RBM33: variants seen among roughly 807,000 people sequenced by gnomAD.
The protein encoded by RBM33 is RNA-binding protein 33.
Under a neutral mutation model 132.6 loss-of-function variants are expected in RBM33, and 28 were observed. That is an observed-to-expected ratio of 0.21 (90% CI 0.16 to 0.29). The LOEUF is 0.29. Among genes scored for constraint, RBM33 ranks in the 10% least tolerant of loss-of-function variants. RBM33 has a pLI of 1.00. For synonymous variants in RBM33, 634 were observed against 593.0 expected, an observed-to-expected ratio of 1.07 and a Z score of -1.01; for missense variants, 1,291 against 1,518.5, an observed-to-expected ratio of 0.85 and a Z score of 2.49.
At chr7:155,733,386 G>A (rs1801013402) in intron 9 of RBM33, among the ~76,000 whole-genome samples, 1 of 152,176 alleles carries the variant, frequency 6.6e-6, no homozygotes, top group African/African-American at 2.4e-5. Context: ...CTTTAACTTG[G>A]TTTTCTTGAA....
chr7:155,712,448 A>T (rs372875623), intron 8 of RBM33, among the ~76,000 whole-genome samples: 1 of 152,232 alleles, frequency 6.6e-6, no homozygotes, highest in East Asian at 1.9e-4. Flanking sequence ...ATTACTTTCT[A>T]TCAGACAGTC....
In RBM33 at chr7:155,748,981, A is replaced by G. The variant is rs530250279; in HGVS notation, c.2979+3379A>G. On this transcript the variant is annotated intron_variant, in intron 14 of 17. Coordinates refer to ENST00000401878, the MANE Select transcript of RBM33 (RefSeq NM_053043.3). ...TGCTCTGAAATTTCTTGCTGTATAG[A>G]GATTGGAGCCTTTCTCTAGGACTGA... 2.0e-5 allele frequency among the ~76,000 whole-genome samples: 3 copies of G among 151,930 alleles called. No individual in the cohort carries two copies. In the East Asian group the frequency reaches 5.8e-4, roughly 30 times the overall value.
chr7:155,748,796 C>T (rs1012174778), intron 14 of RBM33, among the ~76,000 whole-genome samples: 7 of 151,292 alleles, frequency 4.6e-5, no homozygotes, highest in African/African-American at 1.7e-4. Context: ...CTGCAGTATG[C>T]GTGTGCATAG....
At chr7:155,753,792 A>T (rs113343544) in intron 14 of RBM33, among the ~76,000 whole-genome samples, 3 of 152,338 alleles carry the variant, frequency 2.0e-5, no homozygotes, top group African/African-American at 7.2e-5. Context: ...CAGGCACCTC[A>T]TGCCTGCCAA....
intron 9 of RBM33, among the ~76,000 whole-genome samples, chr7:155,723,872 G>A (rs1156619143): frequency 6.6e-6 from 1 of 152,192 alleles, no homozygotes; most frequent in Non-Finnish European, 1.5e-5. Context: ...CGGGGGCCTG[G>A]AAGCAATCTC....
intron 8 of RBM33, among the ~76,000 whole-genome samples, chr7:155,713,053 A>G (rs977371522): frequency 2.4e-4 from 36 of 152,150 alleles, no homozygotes; most frequent in African/African-American, 8.2e-4. Flanking sequence ...TGAAGTAGGA[A>G]GATGGGGCCG....
At chr7:155,650,539 GACTT>G (rs138141436) in intron 1 of RBM33, among the ~76,000 whole-genome samples, 9,795 of 152,186 alleles carry the variant, frequency 0.064, 470 homozygotes, top group African/African-American at 0.14. Context: ...AAGGGAGACT[GACTT>G]ACTGTTTTCT....
chr7:155,741,910 C>T lies in RBM33; in HGVS notation c.2141C>T (p.Ala714Val), dbSNP rs1419361501. 11 of 1,613,890 alleles carry T rather than the reference C, an allele frequency of 6.8e-6. No individual in the cohort carries two copies. The highest frequency in any genetic ancestry group is 4.0e-5 in the African/African-American group (3 of 74,924). Residue 714 changes from alanine to valine, a missense_variant, in exon 13 of 18, where the codon GCG (alanine) becomes GTG (valine). Physicochemically the swap from Ala to Val is moderately conservative, Grantham distance 64 (BLOSUM62 0). Coordinates refer to ENST00000401878, the MANE Select transcript of RBM33 (RefSeq NM_053043.3). ...RNSNLRELPI[A>V]PSHVIEMSSS... ...AGCAATTTGCGTGAATTACCCATAG[C>T]GCCGTCACACGTGATAGAAATGAGC...
At chr7:155,655,534 CTTTTT>C (rs756948005) in intron 1 of RBM33, among the ~76,000 whole-genome samples, 3 of 80,118 alleles carry the variant, frequency 3.7e-5, no homozygotes, top group East Asian at 4.3e-4. Context: ...GGCTGTTTGC[CTTTTT>C]TTTTTTTTTT....
At chr7:155,647,319 G>C (rs907856844) in intron 1 of RBM33, among the ~76,000 whole-genome samples, 6 of 152,148 alleles carry the variant, frequency 3.9e-5, no homozygotes, top group Non-Finnish European at 7.4e-5. Flanking sequence ...GAAAATCACT[G>C]GTCTCTTGTA....
intron 1 of RBM33, among the ~76,000 whole-genome samples, chr7:155,663,502 C>T (rs1419425123): frequency 6.6e-6 from 1 of 152,062 alleles, no homozygotes; most frequent in East Asian, 1.9e-4. Flanking sequence ...TTACAACAAC[C>T]AGATATCCAG....
chr7:155,678,615 C>T lies in RBM33; in HGVS notation c.179C>T (p.Ser60Leu), dbSNP rs762099807. Reference sequence around the variant, plus strand: ...ATTTCTTATTTTAATTAGAATCAGTCGGATTTGTCAGATGAAGAGCTAAAT... The same window carrying T: ...ATTTCTTATTTTAATTAGAATCAGTTGGATTTGTCAGATGAAGAGCTAAAT... ...EDLLSGKKNQSDLSDEELNDD... is the reference protein window; with the variant it reads ...EDLLSGKKNQLDLSDEELNDD... Residue 60 changes from serine to leucine, a missense_variant, in exon 4 of 18, where the codon TCG becomes TTG. Around this residue, in one of 7 missense-constraint regions of RBM33, gnomAD observed 194 missense variants for 249.8 expected, o/e 0.78. Coordinates refer to ENST00000401878, the MANE Select transcript of RBM33 (RefSeq NM_053043.3). The T allele has an allele frequency of 2.0e-5, 31 of 1,555,454 alleles. No homozygotes were observed. The highest frequency in any genetic ancestry group is 2.4e-5 in the Non-Finnish European group (27 of 1,142,756).
chr7:155,660,164 C>T (rs1236440214), intron 1 of RBM33, among the ~76,000 whole-genome samples: 1 of 152,178 alleles, frequency 6.6e-6, no homozygotes, highest in Non-Finnish European at 1.5e-5. Flanking sequence ...CCCTCTGCCT[C>T]CTGGGCTCAA....
intron 14 of RBM33, among the ~76,000 whole-genome samples, chr7:155,755,183 C>T (rs1466022760): frequency 1.3e-5 from 2 of 152,182 alleles, no homozygotes; most frequent in African/African-American, 2.4e-5. Context: ...GAAACCTGTT[C>T]AGTGAGGTCT....
intron 9 of RBM33, among the ~76,000 whole-genome samples, chr7:155,719,085 A>G (rs1417911234): frequency 1.3e-5 from 2 of 152,248 alleles, no homozygotes; most frequent in Admixed American, 6.5e-5. Flanking sequence ...CCCATTAACT[A>G]GTTATATTTG....
chr7:155,650,733 GTAT>G (rs879750887), intron 1 of RBM33, among the ~76,000 whole-genome samples: 1 of 151,996 alleles, frequency 6.6e-6, no homozygotes, highest in African/African-American at 2.4e-5. Flanking sequence ...TCAATTTCCT[GTAT>G]TATTATTGAT....
At chr7:155,678,555 C>G (rs1248751910) in intron 3 of RBM33, 53 bp from the exon 4 acceptor site, 7 of 1,174,396 alleles carry the variant, frequency 6.0e-6, no homozygotes, top group Non-Finnish European at 7.3e-6. Context: ...TGCTTTTTAA[C>G]AAGTCTTTTT....
At chr7:155,677,221 CTTT>C (rs55977961) in intron 3 of RBM33, among the ~76,000 whole-genome samples, 227 of 140,354 alleles carry the variant, frequency 1.6e-3, no homozygotes, top group Non-Finnish European at 2.0e-3. Flanking sequence ...TTCTTTTTTT[CTTT>C]TTTTTTTTTT....
chr7:155,703,093 A>C (rs1418311620), intron 6 of RBM33, among the ~76,000 whole-genome samples: 1 of 151,528 alleles, frequency 6.6e-6, no homozygotes, highest in Non-Finnish European at 1.5e-5. Flanking sequence ...TTGTCCCTCC[A>C]CCCAACCACT....
Sources: gnomAD v4.1 joint callset for allele counts (sites outside exome capture counted in the v4.1 genomes callset) on GRCh38, gnomAD v4.1.1 for gene constraint, gnomAD v4.1.1 regional missense constraint, MANE v1.5 for transcripts, NCBI Gene and HGNC (gene_info 2026-07-23, HGNC 2026-07-21) for gene names.